The following ATP2A2 variants were observed in gnomAD, a reference collection of about 807,000 sequenced individuals.
The protein encoded by ATP2A2 is sarcoplasmic/endoplasmic reticulum calcium ATPase 2.
ATP2A2 carries 14 observed loss-of-function variants against 109.3 expected under a neutral mutation model. The ratio of observed to expected loss-of-function variants is 0.13; its 90% CI spans 0.08 to 0.20. ATP2A2 has a LOEUF of 0.20. Ranked by LOEUF, ATP2A2 falls within the 10% of genes least tolerant of loss-of-function variation. The pLI, the probability that ATP2A2 is intolerant of heterozygous loss-of-function variation, is 1.00. For missense variants in ATP2A2, 657 were observed against 1,321.6 expected (o/e 0.50, Z 7.80); for synonymous variants, 506 against 490.9 (o/e 1.03, Z -0.41).
At chr12:110,295,090 A>G (rs553495907) in intron 4 of ATP2A2, among the ~76,000 whole-genome samples, 1 of 152,268 alleles carries the variant, frequency 6.6e-6, no homozygotes, top group African/African-American at 2.4e-5. Context: ...AAGTGCCGGG[A>G]TTACAGGTGT....
At chr12:110,306,255 G>T (rs1362756725) in intron 5 of ATP2A2, among the ~76,000 whole-genome samples, 3 of 152,182 alleles carry the variant, frequency 2.0e-5, no homozygotes, top group Admixed American at 2.0e-4. Context: ...TAGCCAGGAT[G>T]GTCTCGATCT....
rs560532466 is a variant in ATP2A2, at chr12:110,349,993, C to T, written c.*3523C>T. The T allele has an allele frequency of 2.8e-5, 37 of 1,325,704 alleles. No homozygotes were observed. Among genetic ancestry groups the T allele is most frequent in the Middle Eastern group, 3.0e-4 (1 of 3,386 alleles). 82.1% of individuals were successfully genotyped at this position (1,325,704 alleles called of 1,614,324 possible). A position where few individuals can be genotyped will look rare whatever the true frequency, so the allele number is the denominator to read the frequency against. ...CAAGACCTTGTCCTCTTGCCTGTCT[C>T]GCTGCTTTCACAGCTGCAACGATTG... is the stretch of plus-strand genomic sequence containing the variant. On this transcript the variant is annotated 3_prime_UTR_variant, in exon 20 of 20. Coordinates refer to ENST00000539276, the MANE Select transcript of ATP2A2 (RefSeq NM_170665.4).
chr12:110,317,097 C>T lies in ATP2A2; in HGVS notation c.464-5895C>T, dbSNP rs76890228. 8.2e-3 allele frequency among the ~76,000 whole-genome samples: 1,246 copies of T among 152,220 alleles called. 26 individuals are homozygous for T. Among genetic ancestry groups the T allele is most frequent in the African/African-American group, 0.029 (1,200 of 41,530 alleles). ...TTTAAAGTAGTCAAGTAGAGCTTCT[C>T]AAATGAAGAATTTCATTCAGTCTCT... On this transcript the variant is annotated intron_variant, in intron 5 of 19. Transcript: ENST00000539276.
intron 4 of ATP2A2, among the ~76,000 whole-genome samples, chr12:110,293,916 G>C (rs1873670820): frequency 8.1e-6 from 1 of 124,104 alleles, no homozygotes. Context: ...TTGCTCTGTT[G>C]CCCAGGCTGG....
Position 110,350,468 on chromosome 12 carries a change from C to T in ATP2A2, c.*3998C>T. ...TGTTATGTGGAGGAAATGTGTATTACCAATGGGGTTGTTAGCTTTTAAATC... is the reference window on the plus strand; with the variant it reads ...TGTTATGTGGAGGAAATGTGTATTATCAATGGGGTTGTTAGCTTTTAAATC... On this transcript the variant is annotated 3_prime_UTR_variant, in exon 20 of 20. Transcript: ENST00000539276. 4 of 1,085,236 alleles carry T rather than the reference C, an allele frequency of 3.7e-6. No homozygotes were observed. The South Asian group carries it at 5.5e-5, about 15-fold the overall frequency. The allele number at this position is 1,085,236 out of a possible 1,614,324, so 67.2% of individuals were successfully genotyped here. A position where few individuals can be genotyped will look rare whatever the true frequency, so the allele number is the denominator to read the frequency against.
In ATP2A2 at chr12:110,341,004, T is replaced by C. The variant is rs750450206; in HGVS notation, c.2097+10T>C. On this transcript the variant is annotated intron_variant, in intron 14 of 19. Transcript: ENST00000539276. ...TGAGATTACAGCTATGGTGAGCATGTTTGAACATGTACAGGTGACTCAGGC... is the reference window on the plus strand; with the variant it reads ...TGAGATTACAGCTATGGTGAGCATGCTTGAACATGTACAGGTGACTCAGGC... 1.3e-5 allele frequency: 21 copies of C among 1,613,818 alleles called. No homozygotes were observed. In the South Asian group the frequency reaches 1.5e-4, roughly 12 times the overall value.
chr12:110,282,054 G>A (rs1000109161), intron 1 of ATP2A2, 147 bp downstream of exon 1: 15 of 558,478 alleles, frequency 2.7e-5, no homozygotes, highest in Non-Finnish European at 4.1e-5. Flanking sequence ...GGCCCCGCGG[G>A]AGAGAAAGGG....
At chr12:110,334,328 A>G in intron 11 of ATP2A2, 185 bp downstream of exon 11, 1 of 785,646 alleles carries the variant, frequency 1.3e-6, no homozygotes, top group Non-Finnish European at 2.1e-6. Context: ...CCAGGAAAAT[A>G]AAAGCAATCA....
chr12:110,322,928 C>T lies in ATP2A2; in HGVS notation c.464-64C>T, dbSNP rs1401611980. 10 of 1,147,832 alleles carry T rather than the reference C, an allele frequency of 8.7e-6. No homozygotes were observed. In the East Asian group the frequency reaches 2.1e-4, roughly 24 times the overall value. The allele number at this position is 1,147,832 out of a possible 1,614,324, so 71.1% of individuals were successfully genotyped here. A position where few individuals can be genotyped will look rare whatever the true frequency, so the allele number is the denominator to read the frequency against. ...TTAAAAATTGATTTGGAGACAAATT[C>T]ATCTTTAGATAACATAGTTTTAAAA... On this transcript the variant is annotated intron_variant, in intron 5 of 19. Transcript: ENST00000539276.
intron 3 of ATP2A2, among the ~76,000 whole-genome samples, chr12:110,287,528 A>G (rs1872784726): frequency 6.6e-6 from 1 of 152,238 alleles, no homozygotes; most frequent in Non-Finnish European, 1.5e-5. Context: ...AGCAAAGGGA[A>G]GAAGAAACAC....
Position 110,349,341 on chromosome 12 carries a change from T to A in ATP2A2, c.*2871T>A, listed in dbSNP as rs1159280791. The stretch of plus-strand genomic sequence containing the variant: ...TGTCAGGCAGCTCTTGCCTGAAACT[T>A]ACTTCCACATTCTTTCCTGATGGGC... On this transcript the variant is annotated 3_prime_UTR_variant, in exon 20 of 20. Transcript: ENST00000539276. The A allele has an allele frequency of 9.1e-6, 9 of 985,386 alleles. No individual in the cohort carries two copies. The highest frequency in any genetic ancestry group is 5.2e-5 in the African/African-American group (3 of 57,242). The allele number at this position is 985,386 out of a possible 1,614,324, so 61.0% of individuals were successfully genotyped here.
In ATP2A2 at chr12:110,347,657, G is replaced by T. The variant is rs1461301729; in HGVS notation, c.*1187G>T. 8.5e-7 allele frequency: 1 copy of T among 1,176,708 alleles called. No homozygotes were observed. Among genetic ancestry groups the T allele is most frequent in the African/African-American group, 1.6e-5 (1 of 62,402 alleles). The allele number at this position is 1,176,708 out of a possible 1,614,324, so 72.9% of individuals were successfully genotyped here. A position where few individuals can be genotyped will look rare whatever the true frequency, so the allele number is the denominator to read the frequency against. On this transcript the variant is annotated 3_prime_UTR_variant, in exon 20 of 20. Coordinates refer to ENST00000539276, the MANE Select transcript of ATP2A2 (RefSeq NM_170665.4). ...ATAGAACTATTTTTATTTGAATGTG[G>T]CACTAACCACCACCACCGTTACTAC... is the stretch of plus-strand genomic sequence containing the variant.
At chr12:110,286,899 A>C (rs1187743464) in intron 3 of ATP2A2, among the ~76,000 whole-genome samples, 1 of 152,168 alleles carries the variant, frequency 6.6e-6, no homozygotes, top group African/African-American at 2.4e-5. Context: ...CTGAGTCACA[A>C]TATCATGACT....
intron 7 of ATP2A2, 51 bp downstream of exon 7, chr12:110,326,526 A>G: frequency 1.3e-6 from 2 of 1,486,378 alleles, no homozygotes; most frequent in Non-Finnish European, 1.9e-6. Flanking sequence ...CCAAAGCCTA[A>G]TCAAATGTTA....
At chr12:110,292,466 ACCATGTTGG>A (rs1483602052) in intron 4 of ATP2A2, among the ~76,000 whole-genome samples, 1 of 151,888 alleles carries the variant, frequency 6.6e-6, no homozygotes, top group Non-Finnish European at 1.5e-5. Context: ...ACAGGGTTTC[ACCATGTTGG>A]CCAGGCTGGT....
intron 11 of ATP2A2, 109 bp downstream of exon 11, chr12:110,334,252 C>G (rs1414828409): frequency 1.5e-6 from 2 of 1,326,544 alleles, no homozygotes; most frequent in East Asian, 4.7e-5. Context: ...ACCTTATCTC[C>G]TCAAACTTAC....
intron 5 of ATP2A2, among the ~76,000 whole-genome samples, chr12:110,313,417 A>C (rs1410245612): frequency 7.0e-6 from 1 of 142,732 alleles, no homozygotes; most frequent in African/African-American, 2.6e-5. Context: ...GGTTCACGCC[A>C]TTCTCCTGCC....
chr12:110,308,488 A>G (rs575057187), intron 5 of ATP2A2, among the ~76,000 whole-genome samples: 227 of 152,370 alleles, frequency 1.5e-3, no homozygotes, highest in Admixed American at 5.4e-3. Context: ...CTGGGTTACT[A>G]GGACCAGCAG....
chr12:110,301,473 C>G lies in ATP2A2; in HGVS notation c.463+4736C>G, dbSNP rs186736037. Among the ~76,000 whole-genome samples, 388 of 152,254 alleles carry G rather than the reference C, an allele frequency of 2.5e-3. 6 individuals are homozygous for G. The highest frequency in any genetic ancestry group is 0.018 in the South Asian group (87 of 4,824). On this transcript the variant is annotated intron_variant, in intron 5 of 19. Transcript: ENST00000539276. ...GGAAGTCATCTTGATTTTTTCCCCCCTCTTATCCTCTGATTTGTCCGTAAG... is the reference window on the plus strand; with the variant it reads ...GGAAGTCATCTTGATTTTTTCCCCCGTCTTATCCTCTGATTTGTCCGTAAG...
Sources: allele counts gnomAD v4.1 joint callset (sites outside exome capture counted in the v4.1 genomes callset), GRCh38; gene constraint gnomAD v4.1.1; transcripts MANE v1.5; gene names NCBI Gene and HGNC (gene_info 2026-07-23, HGNC 2026-07-21).